The following FN1 variants were observed in gnomAD, a reference collection of about 807,000 sequenced individuals.
The protein encoded by FN1 is fibronectin.
Under a neutral mutation model 297.3 loss-of-function variants are expected in FN1, and 106 were observed. The observed-to-expected ratio is 0.36, with a 90% CI of 0.30 to 0.42. FN1 has a LOEUF of 0.42. Among genes scored for constraint, FN1 ranks in the 10% least tolerant of loss-of-function variants. FN1 has a pLI of 1.00. For synonymous variants in FN1, 1,149 were observed against 1,152.6 expected (o/e 1.00, Z 0.06); for missense variants, 2,690 against 3,124.9 (o/e 0.86, Z 3.32).
chr2:215,426,296 C>A (rs570741222), intron 6 of FN1, among the ~76,000 whole-genome samples: 3 of 151,812 alleles, frequency 2.0e-5, no homozygotes, highest in African/African-American at 7.2e-5. Context: ...CTACAGGCAC[C>A]CGCCACCACG....
At chr2:215,364,093 A>AT (rs2054054972) in intron 44 of FN1, among the ~76,000 whole-genome samples, 1 of 152,128 alleles carries the variant, frequency 6.6e-6, no homozygotes, top group African/African-American at 2.4e-5. Flanking sequence ...CCTACCCAGA[A>AT]CTGTATTTGT....
In FN1 at chr2:215,406,321, G is replaced by T; in HGVS notation, c.2903C>A (p.Ser968Tyr). 1 of 1,614,190 alleles carries T rather than the reference G, an allele frequency of 6.2e-7. No individual in the cohort carries two copies. Among genetic ancestry groups the T allele is most frequent in the Non-Finnish European group, 8.5e-7 (1 of 1,180,020 alleles). ...RNTFAEVTGL[S>Y]PGVTYYFKVF... ...TTTGAAGTAATAGGTGACCCCAGGG[G>T]ACAGCCCGGTGACTTCTGCAAAGGT... The change falls in exon 19 of 46, where the codon TCC (serine) becomes TAC (tyrosine). Residue 968 changes from serine (S) to tyrosine (Y), a missense_variant. Physicochemically the swap from Ser to Tyr is moderately radical, Grantham distance 144 (BLOSUM62 -2). This residue lies in a region of FN1 where 1,743 missense variants were observed against 1,945.2 expected (regional missense o/e 0.90). Coordinates refer to ENST00000354785, the MANE Select transcript of FN1 (RefSeq NM_212482.4).
At position 215,383,969 on chromosome 2, in the gene FN1, C is replaced by T. The variant is rs977576489; in HGVS notation, c.4894+51G>A. On this transcript the variant is annotated intron_variant, in intron 30 of 45. Coordinates refer to ENST00000354785, the MANE Select transcript of FN1 (RefSeq NM_212482.4). ...AATACCTTGGGAGAACATTGCAAAA[C>T]AGTATCTGAATAAGTAAAAGCTGGT... is the stretch of plus-strand genomic sequence containing the variant. 3.2e-6 allele frequency: 5 copies of T among 1,581,628 alleles called. No homozygotes were observed. In the African/African-American group the frequency reaches 5.5e-5, roughly 17 times the overall value.
At chr2:215,419,905 C>T (rs893131860) in intron 11 of FN1, among the ~76,000 whole-genome samples, 2 of 152,154 alleles carry the variant, frequency 1.3e-5, no homozygotes, top group African/African-American at 2.4e-5. Context: ...GTCAAACAAA[C>T]GGATGTTATC....
At position 215,422,163 on chromosome 2, in the gene FN1, G is replaced by C; in HGVS notation, c.1474C>G (p.His492Asp). The C allele has an allele frequency of 6.2e-7, 1 of 1,614,024 alleles. No homozygotes were observed. The highest frequency in any genetic ancestry group is 8.5e-7 in the Non-Finnish European group (1 of 1,179,892). ...DQWDKQHDMGHMMRCTCVGNG... is the reference protein window; with the variant it reads ...DQWDKQHDMGDMMRCTCVGNG... ...CCAACACACGTGCACCTCATCATGT[G>C]ACCCATGTCATGCTGCTTATCCCAC... Residue 492 changes from histidine (H) to aspartate (D), a missense_variant, in exon 10 of 46, where the codon CAC (histidine) becomes GAC (aspartate). His to Asp is a moderately conservative substitution (Grantham distance 81, BLOSUM62 -1). Around this residue, in one of 3 missense-constraint regions of FN1, gnomAD observed 876 missense variants for 1,058.1 expected, o/e 0.83. Transcript: ENST00000354785.
At chr2:215,402,540 A>C (rs1043925167) in intron 20 of FN1, among the ~76,000 whole-genome samples, 4 of 152,234 alleles carry the variant, frequency 2.6e-5, no homozygotes, top group African/African-American at 9.6e-5. Context: ...AAAACTACAG[A>C]AATTTAGTAA....
chr2:215,370,420 C>T lies in FN1; in HGVS notation c.6727G>A (p.Gly2243Arg). ...DEEPLQFRVP[G>R]TSTSATLTGL... ...GTCAGAGTGGCACTGGTAGAAGTTC[C>T]AGGAACCCTGAACTGCAATTATCGG... is the stretch of plus-strand genomic sequence containing the variant. Residue 2243 changes from glycine (G) to arginine (R), a missense_variant, in exon 41 of 46, where the codon GGA (glycine) becomes AGA (arginine). Physicochemically the swap from Gly to Arg is moderately radical, Grantham distance 125 (BLOSUM62 -2). Transcript: ENST00000354785. 6.2e-7 allele frequency: 1 copy of T among 1,613,844 alleles called. No individual in the cohort carries two copies. Among genetic ancestry groups the T allele is most frequent in the East Asian group, 2.2e-5 (1 of 44,872 alleles).
At chr2:215,414,762 T>C (rs2063197513) in intron 13 of FN1, 75 bp downstream of exon 13, 14 of 1,598,268 alleles carry the variant, frequency 8.8e-6, no homozygotes, top group Non-Finnish European at 1.2e-5. Flanking sequence ...GCTCAAAAGC[T>C]GGGAAAAAAA....
chr2:215,408,327 C>T lies in FN1; in HGVS notation c.2399G>A (p.Ser800Asn). 1 of 1,614,184 alleles carries T rather than the reference C, an allele frequency of 6.2e-7. No homozygotes were observed. Among genetic ancestry groups the T allele is most frequent in the South Asian group, 1.1e-5 (1 of 91,092 alleles). Residue 800 changes from serine to asparagine, a missense_variant, in exon 16 of 46, where the codon AGT becomes AAT. Ser to Asn is a conservative substitution (Grantham distance 46). Coordinates refer to ENST00000354785, the MANE Select transcript of FN1 (RefSeq NM_212482.4). ...VYQISEDGEQ[S>N]LILSTSQTTA... ...TGTTTGTGAAGTAGACAGGATCAAACTCTGCTCCCCATCCTCAGATATCTG... is the reference window on the plus strand; with the variant it reads ...TGTTTGTGAAGTAGACAGGATCAAATTCTGCTCCCCATCCTCAGATATCTG...
intron 20 of FN1, among the ~76,000 whole-genome samples, chr2:215,400,596 A>T (rs1411263327): frequency 6.6e-6 from 1 of 151,666 alleles, no homozygotes; most frequent in Non-Finnish European, 1.5e-5. Context: ...TGCTAAAAAT[A>T]TAAAAATTAG....
Position 215,404,535 on chromosome 2 carries a change from C to T in FN1, c.3107G>A (p.Arg1036Lys). Residue 1036 changes from arginine (R) to lysine (K), a missense_variant, in exon 20 of 46, where the codon AGA becomes AAA. Around this residue, in one of 3 missense-constraint regions of FN1, gnomAD observed 1,743 missense variants for 1,945.2 expected, o/e 0.90. Coordinates refer to ENST00000354785, the MANE Select transcript of FN1 (RefSeq NM_212482.4). ...CACATTGTACTGCCTGGGCTGTCCTCTTCGGGTAAGGCCCACGGTCAGTCG... is the reference window on the plus strand; with the variant it reads ...CACATTGTACTGCCTGGGCTGTCCTTTTCGGGTAAGGCCCACGGTCAGTCG... ...GYRLTVGLTR[R>K]GQPRQYNVGP... 1.2e-6 allele frequency: 2 copies of T among 1,614,128 alleles called. No homozygotes were observed. Among genetic ancestry groups the T allele is most frequent in the Non-Finnish European group, 1.7e-6 (2 of 1,180,004 alleles).
intron 21 of FN1, among the ~76,000 whole-genome samples, chr2:215,398,620 G>A (rs956323946): frequency 1.3e-5 from 2 of 152,078 alleles, no homozygotes; most frequent in Non-Finnish European, 2.9e-5. Flanking sequence ...AACGATCAAG[G>A]GGATTGAGTC....
intron 24 of FN1, among the ~76,000 whole-genome samples, chr2:215,394,277 A>G (rs989656477): frequency 6.6e-6 from 1 of 152,228 alleles, no homozygotes; most frequent in South Asian, 2.1e-4. Context: ...AGTTAAAGCC[A>G]TGGCTGCCAC....
intron 20 of FN1, among the ~76,000 whole-genome samples, chr2:215,404,131 G>C (rs2061461998): frequency 6.6e-6 from 1 of 152,178 alleles, no homozygotes; most frequent in African/African-American, 2.4e-5. Context: ...AGAAAATCTG[G>C]CTTCAGAAAA....
chr2:215,407,516 A>G (rs530508304), intron 17 of FN1, among the ~76,000 whole-genome samples, 195 bp from the exon 18 acceptor site: 1 of 152,340 alleles, frequency 6.6e-6, no homozygotes, highest in African/African-American at 2.4e-5. Context: ...AAATAAGAAC[A>G]GTCATGCGAA....
chr2:215,383,255 G>A (rs1047791313), intron 31 of FN1, 73 bp downstream of exon 31: 28 of 1,441,208 alleles, frequency 1.9e-5, no homozygotes, highest in East Asian at 4.5e-5. Flanking sequence ...TGATCTGCCC[G>A]CATCAGCCTC....
rs530578922 is a variant in FN1 at position 215,392,766 on chromosome 2, A to G, written c.4069+165T>C. The G allele has an allele frequency of 9.5e-5, 68 of 719,334 alleles. 1 individual carries two copies. Among genetic ancestry groups the G allele is most frequent in the South Asian group, 6.8e-4 (42 of 61,968 alleles). The allele number at this position is 719,334 out of a possible 1,614,324, so 44.6% of individuals were successfully genotyped here. On this transcript the variant is annotated intron_variant, in intron 25 of 45. Transcript: ENST00000354785. Reference sequence around the variant, plus strand: ...GAATACTTGCATGTGTTTTTCTCCAATCAGTTTAGCAGATGCATTTGATTC... The same window carrying G: ...GAATACTTGCATGTGTTTTTCTCCAGTCAGTTTAGCAGATGCATTTGATTC...
chr2:215,395,766 A>C (rs185793933), intron 23 of FN1, among the ~76,000 whole-genome samples: 2 of 152,344 alleles, frequency 1.3e-5, no homozygotes, highest in Non-Finnish European at 1.5e-5. Flanking sequence ...GGTAAACACT[A>C]ATGTGGCAAA....
At chr2:215,372,917 A>C (rs1198000523) in intron 39 of FN1, among the ~76,000 whole-genome samples, 1 of 152,250 alleles carries the variant, frequency 6.6e-6, no homozygotes. Flanking sequence ...TGCAAAAGTA[A>C]GACATTATTT....
Sources: allele counts gnomAD v4.1 joint callset (sites outside exome capture counted in the v4.1 genomes callset), GRCh38; gene constraint gnomAD v4.1.1; regional missense constraint gnomAD v4.1.1; transcripts MANE v1.5; gene names NCBI Gene and HGNC (gene_info 2026-07-23, HGNC 2026-07-21).